The following TSHZ3 variants were observed in gnomAD, a reference collection of about 807,000 sequenced individuals.
TSHZ3 encodes the protein teashirt homolog 3.
In TSHZ3, 10 loss-of-function variants were observed where a neutral mutation model predicts 64.5. That is an observed-to-expected ratio of 0.16 (90% CI 0.10 to 0.26). The LOEUF (loss-of-function observed/expected upper bound fraction) is 0.26, where lower values mean the gene tolerates loss of function less well. Among genes scored for constraint, TSHZ3 ranks in the 10% least tolerant of loss-of-function variants. TSHZ3 has a pLI of 1.00. For missense variants in TSHZ3, 1,242 were observed against 1,421.7 expected (o/e 0.87, Z 2.03); for synonymous variants, 608 against 593.1 (o/e 1.03, Z -0.36).
intron 5 of TSHZ3, among the ~76,000 whole-genome samples, chr19:31,188,066 G>A (rs1289921083): frequency 6.6e-6 from 1 of 151,426 alleles, no homozygotes; most frequent in Non-Finnish European, 1.5e-5. Flanking sequence ...CATTTATTTA[G>A]GTCTTCTTTA....
At chr19:31,254,237 A>G (rs1367803282) in intron 1 of TSHZ3, among the ~76,000 whole-genome samples, 2 of 152,126 alleles carry the variant, frequency 1.3e-5, no homozygotes, top group African/African-American at 4.8e-5. Context: ...TGAGGACAAA[A>G]TGAAGAGCTT....
chr19:31,343,774 G>GTTT (rs765231750), intron 1 of TSHZ3, among the ~76,000 whole-genome samples: 11 of 146,900 alleles, frequency 7.5e-5, no homozygotes, highest in African/African-American at 2.6e-4. Context: ...TACAATTCAG[G>GTTT]TTTTTTTTTT....
chr19:31,156,511 G>A (rs1974307776), intron 5 of TSHZ3, among the ~76,000 whole-genome samples: 1 of 152,106 alleles, frequency 6.6e-6, no homozygotes, highest in Admixed American at 6.5e-5. Context: ...CAGCCACCCA[G>A]GGCATCTATT....
intron 1 of TSHZ3, among the ~76,000 whole-genome samples, chr19:31,332,759 A>C (rs1373476028): frequency 6.6e-6 from 1 of 152,146 alleles, no homozygotes; most frequent in African/African-American, 2.4e-5. Context: ...TACAGTGGCT[A>C]GTGCACTTAC....
chr19:31,189,239 C>A (rs1599570757), intron 5 of TSHZ3, among the ~76,000 whole-genome samples: 1 of 151,950 alleles, frequency 6.6e-6, no homozygotes, highest in Non-Finnish European at 1.5e-5. Flanking sequence ...TATTTATTAT[C>A]TTCAATGTTT....
intron 1 of TSHZ3, among the ~76,000 whole-genome samples, chr19:31,290,843 G>C (rs1976553134): frequency 6.6e-6 from 1 of 152,214 alleles, no homozygotes; most frequent in African/African-American, 2.4e-5. Context: ...GACTTCTGCA[G>C]AAGGCTGGCC....
At position 31,349,429 on chromosome 19, in the gene TSHZ3, G is replaced by A; in HGVS notation, c.-210C>T. 1 of 408,838 alleles carries A rather than the reference G, an allele frequency of 2.4e-6. No homozygotes were observed. Among genetic ancestry groups the A allele is most frequent in the Non-Finnish European group, 4.2e-6 (1 of 236,324 alleles). The allele number at this position is 408,838 out of a possible 1,614,324, so 25.3% of individuals were successfully genotyped here. Reference sequence around the variant, plus strand: ...CGCCGCGAACCCCGAACGTGCGGAGGGAAGAAGGAGGGCGGGCGAGGGAGG... The same window carrying A: ...CGCCGCGAACCCCGAACGTGCGGAGAGAAGAAGGAGGGCGGGCGAGGGAGG... On this transcript the variant is annotated 5_prime_UTR_variant, in exon 1 of 2. Coordinates refer to ENST00000240587, the MANE Select transcript of TSHZ3 (RefSeq NM_020856.4).
At chr19:31,228,070 G>A (rs1975492634) in exon 4 of TSHZ3, among the ~76,000 whole-genome samples, 2 of 152,096 alleles carry the variant, frequency 1.3e-5, no homozygotes, top group African/African-American at 4.8e-5. Flanking sequence ...CATTCTCCGT[G>A]GAACATCTAG....
At chr19:31,153,934 T>C (rs553957009) in intron 6 of TSHZ3, among the ~76,000 whole-genome samples, 29 of 152,348 alleles carry the variant, frequency 1.9e-4, no homozygotes, top group Non-Finnish European at 2.9e-4. Flanking sequence ...CTTATGAGTC[T>C]GTGGTTCTTC....
intron 3 of TSHZ3, among the ~76,000 whole-genome samples, chr19:31,233,505 G>A (rs1975566891): frequency 6.6e-6 from 1 of 152,064 alleles, no homozygotes; most frequent in African/African-American, 2.4e-5. Context: ...CCAGATATGT[G>A]CATTGCAAAT....
intron 1 of TSHZ3, chr19:31,305,607 T>C (rs1359474707): frequency 1.3e-5 from 2 of 152,160 alleles, no homozygotes; most frequent in African/African-American, 2.4e-5. Flanking sequence ...GAACCCCTTA[T>C]GGAGTTTGTG....
At chr19:31,288,855 T>C (rs1976511734) in intron 1 of TSHZ3, among the ~76,000 whole-genome samples, 1 of 152,186 alleles carries the variant, frequency 6.6e-6, no homozygotes, top group African/African-American at 2.4e-5. Flanking sequence ...CTGCTGTTTC[T>C]GCATTGGATT....
chr19:31,188,848 CAGTT>C (rs1482296892), intron 5 of TSHZ3, among the ~76,000 whole-genome samples: 1 of 151,774 alleles, frequency 6.6e-6, no homozygotes, highest in African/African-American at 2.4e-5. Flanking sequence ...TTTTCTGAAA[CAGTT>C]TGTGAAAAAT....
chr19:31,169,621 CTTA>C (rs1225679713), intron 5 of TSHZ3, among the ~76,000 whole-genome samples: 1 of 152,024 alleles, frequency 6.6e-6, no homozygotes, highest in African/African-American at 2.4e-5. Context: ...TGGCAAATTT[CTTA>C]TTATGTGTGT....
chr19:31,192,629 T>TA (rs912218228), intron 5 of TSHZ3, among the ~76,000 whole-genome samples: 1 of 152,228 alleles, frequency 6.6e-6, no homozygotes, highest in African/African-American at 2.4e-5. Context: ...TTCTTATTTT[T>TA]ATCATCCAAC....
At chr19:31,269,406 A>C (rs959923447) in intron 1 of TSHZ3, among the ~76,000 whole-genome samples, 1 of 152,058 alleles carries the variant, frequency 6.6e-6, no homozygotes, top group African/African-American at 2.4e-5. Flanking sequence ...TTTTAAGCTA[A>C]GAAAATGACT....
intron 1 of TSHZ3, among the ~76,000 whole-genome samples, chr19:31,320,171 T>C (rs1271230967): frequency 1.3e-5 from 2 of 152,142 alleles, no homozygotes; most frequent in African/African-American, 2.4e-5. Context: ...AGGACCCAAC[T>C]TGAGAATGAC....
downstream of TSHZ3, among the ~76,000 whole-genome samples, chr19:31,271,547 C>T (rs10403072): frequency 0.31 from 47,705 of 152,042 alleles, 11,108 homozygotes; most frequent in African/African-American, 0.65. Flanking sequence ...TAAGACAGAG[C>T]GCTGAAGCCC....
intron 1 of TSHZ3, among the ~76,000 whole-genome samples, chr19:31,340,061 A>G (rs746067859): frequency 6.6e-6 from 1 of 152,042 alleles, no homozygotes; most frequent in Non-Finnish European, 1.5e-5. Context: ...GTAAATTTTA[A>G]AGGAAAAAAA....
Sources: gnomAD v4.1 joint callset for allele counts (sites outside exome capture counted in the v4.1 genomes callset) on GRCh38, gnomAD v4.1.1 for gene constraint, MANE v1.5 for transcripts, NCBI Gene and HGNC (gene_info 2026-07-23, HGNC 2026-07-21) for gene names.